CALD1: variants seen among roughly 807,000 people sequenced by gnomAD.
The protein encoded by CALD1 is caldesmon 1.
Under a neutral mutation model 99.9 loss-of-function variants are expected in CALD1, and 33 were observed. That is an observed-to-expected ratio of 0.33 (90% confidence interval 0.25 to 0.44). The LOEUF is 0.44. CALD1 is among the 20% of genes least tolerant of loss of function. The pLI is 1.00. For missense variants in CALD1, 861 were observed against 962.1 expected, an observed-to-expected ratio of 0.89 and a Z score of 1.39; for synonymous variants, 310 against 325.0, an observed-to-expected ratio of 0.95 and a Z score of 0.50.
intron 2 of CALD1, among the ~76,000 whole-genome samples, chr7:134,853,850 C>T (rs1800181482): frequency 7.1e-6 from 1 of 140,238 alleles, no homozygotes; most frequent in South Asian, 2.4e-4. Context: ...TAATGCCATC[C>T]CTCCCGTAGC....
At chr7:134,727,673 C>T in the CALD1 span, among the ~76,000 whole-genome samples, 2 of 152,170 alleles carry the variant, frequency 1.3e-5, no homozygotes, top group Non-Finnish European at 2.9e-5. Context: ...CTTCACATGC[C>T]GGCTCAGGTT....
the CALD1 span, among the ~76,000 whole-genome samples, chr7:134,718,720 T>C: frequency 6.6e-6 from 1 of 152,096 alleles, no homozygotes; most frequent in Non-Finnish European, 1.5e-5. Context: ...GCTACTGCTG[T>C]TGTTGTGAAT....
intron 1 of CALD1, among the ~76,000 whole-genome samples, chr7:134,815,008 TG>T (rs1285737555): frequency 6.6e-6 from 1 of 152,224 alleles, no homozygotes; most frequent in African/African-American, 2.4e-5. Context: ...TGGCCTACAT[TG>T]GCCCCTGCTT....
chr7:134,809,874 A>G (rs1379104851), intron 1 of CALD1, among the ~76,000 whole-genome samples: 3 of 152,058 alleles, frequency 2.0e-5, no homozygotes, highest in African/African-American at 7.2e-5. Flanking sequence ...TCATTGCTAG[A>G]AAAAAAATTA....
intron 1 of CALD1, among the ~76,000 whole-genome samples, chr7:134,794,110 A>C (rs1242955501): frequency 1.3e-5 from 2 of 152,082 alleles, no homozygotes; most frequent in Non-Finnish European, 2.9e-5. Flanking sequence ...GAGCACATAC[A>C]CACACACTTC....
chr7:134,768,580 G>A (rs569716495), intron 1 of CALD1, among the ~76,000 whole-genome samples: 20 of 152,316 alleles, frequency 1.3e-4, no homozygotes, highest in African/African-American at 4.3e-4. Flanking sequence ...AAGAAGCACA[G>A]TGGCTTTTCC....
intron 3 of CALD1, among the ~76,000 whole-genome samples, chr7:134,904,351 T>G (rs1335843709): frequency 6.6e-6 from 1 of 151,622 alleles, no homozygotes; most frequent in Non-Finnish European, 1.5e-5. Flanking sequence ...GAGGTCGAGG[T>G]GGGAGGATTG....
rs908657735 is a variant in CALD1 at position 134,783,566 on chromosome 7, G to C, written c.-130+3817G>C. On this transcript the variant is annotated intron_variant, in intron 1 of 14. Transcript: ENST00000361675. The surrounding 1 kb of genome is among the most constrained non-coding windows in gnomAD (Gnocchi z 4.3). ...TAAGGCTATGGGAGCGGGGTCGGGGGGAAACTATGACCTGGGCTGTGAGGG... is the reference window on the plus strand; with the variant it reads ...TAAGGCTATGGGAGCGGGGTCGGGGCGAAACTATGACCTGGGCTGTGAGGG... 1.3e-5 allele frequency among the ~76,000 whole-genome samples: 2 copies of C among 152,128 alleles called. No homozygotes were observed. Among genetic ancestry groups the C allele is most frequent in the African/African-American group, 4.8e-5 (2 of 41,420 alleles).
chr7:134,876,504 G>T (rs1356425690), intron 3 of CALD1, among the ~76,000 whole-genome samples: 1 of 152,166 alleles, frequency 6.6e-6, no homozygotes, highest in Non-Finnish European at 1.5e-5. Context: ...CTAAATAAAG[G>T]AGATTCGGTC....
At chr7:134,762,720 G>C (rs990046124) in intron 1 of CALD1, among the ~76,000 whole-genome samples, 1 of 152,036 alleles carries the variant, frequency 6.6e-6, no homozygotes, top group African/African-American at 2.4e-5. Flanking sequence ...GATCTCGAGA[G>C]CACTCACTCA....
At chr7:134,897,634 G>A (rs1802675220) in intron 3 of CALD1, among the ~76,000 whole-genome samples, 1 of 152,030 alleles carries the variant, frequency 6.6e-6, no homozygotes, top group Admixed American at 6.6e-5. Flanking sequence ...GTTGGCTGGT[G>A]ACAACCCAGG....
At chr7:134,882,633 C>T (rs1165040582) in intron 3 of CALD1, among the ~76,000 whole-genome samples, 2 of 152,170 alleles carry the variant, frequency 1.3e-5, no homozygotes, top group African/African-American at 4.8e-5. Flanking sequence ...AGCTTGTGGT[C>T]AGGAGGAGTA....
At chr7:134,777,948 C>A, upstream of CALD1, among the ~76,000 whole-genome samples, 1 of 152,202 alleles carries the variant, frequency 6.6e-6, no homozygotes, top group East Asian at 1.9e-4. Flanking sequence ...CCCACAGGAA[C>A]AATTTTATAA....
chr7:134,952,473 CTTTTT>C (rs747660510), intron 9 of CALD1, among the ~76,000 whole-genome samples: 4 of 140,940 alleles, frequency 2.8e-5, no homozygotes, highest in African/African-American at 7.8e-5. Flanking sequence ...TTCCCTTAGT[CTTTTT>C]TTTTTTTTTT....
intron 7 of CALD1, among the ~76,000 whole-genome samples, chr7:134,946,563 T>G (rs564246149): frequency 6.6e-6 from 1 of 152,348 alleles, no homozygotes; most frequent in African/African-American, 2.4e-5. Context: ...ATCCCTCATA[T>G]AAGTGGAATC....
chr7:134,919,182 G>A (rs975597150), intron 3 of CALD1, among the ~76,000 whole-genome samples: 3 of 152,104 alleles, frequency 2.0e-5, no homozygotes, highest in African/African-American at 7.2e-5. Flanking sequence ...GAGCCTGTAC[G>A]CTTGGGGATC....
At chr7:134,865,589 A>T (rs1481742324) in intron 2 of CALD1, among the ~76,000 whole-genome samples, 1 of 152,144 alleles carries the variant, frequency 6.6e-6, no homozygotes, top group Non-Finnish European at 1.5e-5. Flanking sequence ...TAAGCAAGAG[A>T]AGGTGAGGAG....
At chr7:134,929,669 TAC>T (rs1453977499) in intron 4 of CALD1, among the ~76,000 whole-genome samples, 47 of 123,198 alleles carry the variant, frequency 3.8e-4, no homozygotes, top group African/African-American at 1.3e-3. Flanking sequence ...TATATATATA[TAC>T]ACCACATTTT....
At chr7:134,830,507 C>T (rs186246505) in intron 1 of CALD1, among the ~76,000 whole-genome samples, 1 of 151,952 alleles carries the variant, frequency 6.6e-6, no homozygotes, top group Admixed American at 6.6e-5. Flanking sequence ...ATTTCATCAC[C>T]CAGGTATTAA....
Sources: allele counts gnomAD v4.1 joint callset (sites outside exome capture counted in the v4.1 genomes callset), GRCh38; gene constraint gnomAD v4.1.1; non-coding constraint Gnocchi (gnomAD v3.1); transcripts MANE v1.5; gene names NCBI Gene and HGNC (gene_info 2026-07-23, HGNC 2026-07-21).